The following ZNF521 variants were observed in gnomAD, a reference collection of about 807,000 sequenced individuals.
The protein encoded by ZNF521 is LYST-interacting protein 3.
In ZNF521, 14 loss-of-function variants were observed where a neutral mutation model predicts 105.5. The observed-to-expected ratio is 0.13, with a 90% CI of 0.09 to 0.21. The LOEUF (loss-of-function observed/expected upper bound fraction) is 0.21, where lower values mean the gene tolerates loss of function less well. Among genes scored for constraint, ZNF521 ranks in the 10% least tolerant of loss-of-function variants. ZNF521 has a pLI of 1.00. For synonymous variants in ZNF521, 635 were observed against 606.0 expected (o/e 1.05, Z -0.70); for missense variants, 1,233 against 1,629.7 (o/e 0.76, Z 4.19).
At chr18:25,337,476 G>T (rs1268608945) in intron 2 of ZNF521, among the ~76,000 whole-genome samples, 1 of 152,116 alleles carries the variant, frequency 6.6e-6, no homozygotes, top group African/African-American at 2.4e-5. Flanking sequence ...CAAGGAAATA[G>T]AAAGGCAATT....
chr18:25,206,730 C>T (rs1232066552), intron 4 of ZNF521, among the ~76,000 whole-genome samples: 1 of 152,112 alleles, frequency 6.6e-6, no homozygotes, highest in Non-Finnish European at 1.5e-5. Flanking sequence ...TTTTCTCATC[C>T]ATCCATTCCA....
chr18:25,083,797 T>C (rs1242935817), intron 7 of ZNF521, among the ~76,000 whole-genome samples: 1 of 152,030 alleles, frequency 6.6e-6, no homozygotes, highest in Non-Finnish European at 1.5e-5. Flanking sequence ...AAGGTCTCTC[T>C]CTCTCTCTGT....
intron 3 of ZNF521, among the ~76,000 whole-genome samples, chr18:25,305,198 C>T (rs1404145416): frequency 6.6e-6 from 1 of 152,188 alleles, no homozygotes; most frequent in Non-Finnish European, 1.5e-5. Context: ...TCTATTATAG[C>T]TAGACCAATT....
chr18:25,261,709 G>A (rs961051925), intron 3 of ZNF521, among the ~76,000 whole-genome samples: 5 of 151,628 alleles, frequency 3.3e-5, no homozygotes, highest in Non-Finnish European at 7.4e-5. Flanking sequence ...TTGAGCAGAG[G>A]CTGTCCAGTC....
At chr18:25,209,406 C>G (rs1003049313) in intron 4 of ZNF521, among the ~76,000 whole-genome samples, 1 of 152,132 alleles carries the variant, frequency 6.6e-6, no homozygotes. Context: ...CCATGGCGCC[C>G]GGCCAAGTTT....
chr18:25,227,815 A>C lies in ZNF521; in HGVS notation c.221-118T>G. 1 of 817,976 alleles carries C rather than the reference A, an allele frequency of 1.2e-6. No individual in the cohort carries two copies. The highest frequency in any genetic ancestry group is 2.7e-5 in the East Asian group (1 of 37,194). 50.7% of individuals were successfully genotyped at this position (817,976 alleles called of 1,614,324 possible). A position where few individuals can be genotyped will look rare whatever the true frequency, so the allele number is the denominator to read the frequency against. On this transcript the variant is annotated intron_variant, in intron 3 of 7. Transcript: ENST00000361524. The surrounding 1 kb of genome is among the most constrained non-coding windows in gnomAD (Gnocchi z 5.7). ...CCTCTTGAATCTTTCAAGAAAAAAC[A>C]AAATGAAAAGAGAGAATATTTGAGT...
At chr18:25,228,796 A>T (rs759819947) in intron 3 of ZNF521, among the ~76,000 whole-genome samples, 2 of 152,240 alleles carry the variant, frequency 1.3e-5, no homozygotes, top group Non-Finnish European at 2.9e-5. Context: ...GCAAACGTGC[A>T]CTGTTATTTC....
rs1383894858 is a variant in ZNF521 at position 25,084,486 on chromosome 18, T to TA, written c.3906+4978dup. The stretch of plus-strand genomic sequence containing the variant: ...GAAATCAAATAGCTATAGTGACAAT[T>TA]ACACATTTAAACCTTAGTGATTTCT... On this transcript the variant is annotated intron_variant, in intron 7 of 7. Transcript: ENST00000361524. 2.7e-5 allele frequency among the ~76,000 whole-genome samples: 4 copies of TA among 146,796 alleles called. 1 individual carries two copies. The highest frequency in any genetic ancestry group is 6.2e-5 in the Non-Finnish European group (4 of 64,654).
chr18:25,312,426 A>G (rs181076202), intron 3 of ZNF521, among the ~76,000 whole-genome samples: 20 of 152,334 alleles, frequency 1.3e-4, no homozygotes, highest in African/African-American at 3.8e-4. Flanking sequence ...AGCAAAATCA[A>G]TGTGGAAATA....
At chr18:25,300,426 CAATAT>C (rs1424936101) in intron 3 of ZNF521, among the ~76,000 whole-genome samples, 1 of 152,088 alleles carries the variant, frequency 6.6e-6, no homozygotes, top group Non-Finnish European at 1.5e-5. Flanking sequence ...CACTCGATGA[CAATAT>C]AATAGAAATG....
chr18:25,204,478 G>C (rs1436489278), intron 4 of ZNF521, among the ~76,000 whole-genome samples: 1 of 151,988 alleles, frequency 6.6e-6, no homozygotes, highest in Non-Finnish European at 1.5e-5. Flanking sequence ...TCATTTCCAT[G>C]GATCATACCA....
At chr18:25,145,916 G>A (rs2034933319) in intron 5 of ZNF521, among the ~76,000 whole-genome samples, 1 of 152,156 alleles carries the variant, frequency 6.6e-6, no homozygotes, top group African/African-American at 2.4e-5. Context: ...AAATGAAACT[G>A]TTTCAGGCCT....
At chr18:25,218,652 A>G (rs951257986) in intron 4 of ZNF521, among the ~76,000 whole-genome samples, 22 of 149,958 alleles carry the variant, frequency 1.5e-4, no homozygotes, top group African/African-American at 5.2e-4. Flanking sequence ...ACCCTGTCTG[A>G]GAGAAAAAAA....
intron 3 of ZNF521, among the ~76,000 whole-genome samples, chr18:25,252,261 T>G (rs950659957): frequency 1.3e-5 from 2 of 152,168 alleles, no homozygotes; most frequent in African/African-American, 2.4e-5. Flanking sequence ...CAAACTCATT[T>G]TTAATTAAAG....
intron 3 of ZNF521, among the ~76,000 whole-genome samples, chr18:25,243,529 A>G (rs1302115724): frequency 6.6e-6 from 1 of 152,220 alleles, no homozygotes; most frequent in Non-Finnish European, 1.5e-5. Flanking sequence ...TCTGGTGTCA[A>G]AATAACTGAA....
Position 25,174,513 on chromosome 18 carries a change from G to A in ZNF521, c.3658+20647C>T, listed in dbSNP as rs528073375. Among the ~76,000 whole-genome samples, 7 of 152,328 alleles carry A rather than the reference G, an allele frequency of 4.6e-5. No individual in the cohort carries two copies. The South Asian group carries it at 1.5e-3, about 32-fold the overall frequency. ...AGGGCAGGTGGGGGAGACAGCGAGT[G>A]TTTGGATTGGTTCAGGGAGTCCTTG... On this transcript the variant is annotated intron_variant, in intron 5 of 7. Coordinates refer to ENST00000361524, the MANE Select transcript of ZNF521 (RefSeq NM_015461.3).
intron 3 of ZNF521, among the ~76,000 whole-genome samples, chr18:25,311,138 CAG>C (rs1912283982): frequency 6.6e-6 from 1 of 152,094 alleles, no homozygotes; most frequent in Non-Finnish European, 1.5e-5. Context: ...CCCTGAGGCA[CAG>C]TGTAGAATGA....
At chr18:25,180,021 A>G (rs2035603848) in intron 5 of ZNF521, among the ~76,000 whole-genome samples, 1 of 152,236 alleles carries the variant, frequency 6.6e-6, no homozygotes. Context: ...TTTACTATAT[A>G]ACATAGTATG....
At chr18:25,241,569 T>C (rs955312545) in intron 3 of ZNF521, among the ~76,000 whole-genome samples, 4 of 152,164 alleles carry the variant, frequency 2.6e-5, no homozygotes, top group South Asian at 2.1e-4. Flanking sequence ...TTCCAAGCCT[T>C]AGGACACCTT....
Sources: gnomAD v4.1 joint callset for allele counts (sites outside exome capture counted in the v4.1 genomes callset) on GRCh38, gnomAD v4.1.1 for gene constraint, Gnocchi (gnomAD v3.1) non-coding constraint, MANE v1.5 for transcripts, NCBI Gene and HGNC (gene_info 2026-07-23, HGNC 2026-07-21) for gene names.